Variants in RPAIN observed in about 807,000 individuals in gnomAD.
The protein encoded by RPAIN is RPA-interacting protein.
A neutral mutation model predicts 30.5 loss-of-function variants in RPAIN; 29 were observed. That is an observed-to-expected ratio of 0.95 (90% CI 0.71 to 1.30). RPAIN has a LOEUF of 1.30. Ranked by LOEUF, RPAIN falls within the 50% of genes most tolerant of loss-of-function variation. The probability of loss-of-function intolerance (pLI) is 0.00; values close to 1 mark genes in which losing one functional copy is unlikely to be tolerated. For missense variants in RPAIN, 247 were observed against 264.7 expected, an observed-to-expected ratio of 0.93 and a Z score of 0.46; for synonymous variants, 101 against 93.5, an observed-to-expected ratio of 1.08 and a Z score of -0.46.
chr17:5,427,754 G>A, intron 5 of RPAIN: 1 of 372,986 alleles, frequency 2.7e-6, no homozygotes, highest in Non-Finnish European at 5.0e-6. Flanking sequence ...TGTTGGTAAG[G>A]ATGCACTCAG....
intron 6 of RPAIN, chr17:5,428,511 CAT>C: frequency 1.4e-6 from 2 of 1,380,730 alleles, no homozygotes; most frequent in Non-Finnish European, 1.9e-6. Context: ...CTGGTCATTT[CAT>C]AGTCATAAGA....
chr17:5,432,171 G>T (rs1916035447), intron 6 of RPAIN: 1 of 249,682 alleles, frequency 4.0e-6, no homozygotes, highest in Non-Finnish European at 7.8e-6. Flanking sequence ...TCAATCTTGT[G>T]TAGATTTGGA....
chr17:5,426,220 C>T lies in RPAIN; in HGVS notation c.426-16C>T, dbSNP rs778615071. Reference sequence around the variant, plus strand: ...CTGGTGGCCATGATGCTCTGGGATCCTAATTCTGCTTCTAGGTACAACCTG... The same window carrying T: ...CTGGTGGCCATGATGCTCTGGGATCTTAATTCTGCTTCTAGGTACAACCTG... On this transcript the variant is annotated splice_polypyrimidine_tract_variant and intron_variant, in intron 4 of 6. Coordinates refer to ENST00000381209, the MANE Select transcript of RPAIN (RefSeq NM_001033002.4). 1 of 1,613,820 alleles carries T rather than the reference C, an allele frequency of 6.2e-7. No homozygotes were observed. The highest frequency in any genetic ancestry group is 2.2e-5 in the East Asian group (1 of 44,898).
rs1056115271 is a variant in RPAIN at position 5,420,835 on chromosome 17, G to C, written c.82-461G>C. Among the ~76,000 whole-genome samples, 5 of 152,262 alleles carry C rather than the reference G, an allele frequency of 3.3e-5. No individual in the cohort carries two copies. The East Asian group carries it at 5.8e-4, about 18-fold the overall frequency. The stretch of plus-strand genomic sequence containing the variant: ...GGAGGGTTGTTTAAGCCACGTCTCG[G>C]GCCTCCACCCACTAGATGCTAATAG... On this transcript the variant is annotated intron_variant, in intron 1 of 6. Coordinates refer to ENST00000381209, the MANE Select transcript of RPAIN (RefSeq NM_001033002.4).
chr17:5,423,010 G>C (rs1915023609), intron 3 of RPAIN, 181 bp downstream of exon 3: 4 of 570,598 alleles, frequency 7.0e-6, no homozygotes, highest in Middle Eastern at 4.6e-4. Context: ...AGGGTCTCCA[G>C]GGTGCTAGAC....
At chr17:5,424,270 G>A (rs1182130833) in intron 3 of RPAIN, among the ~76,000 whole-genome samples, 1 of 152,002 alleles carries the variant, frequency 6.6e-6, no homozygotes, top group Non-Finnish European at 1.5e-5. Flanking sequence ...TGAGATTACA[G>A]GCATGAGCCA....
Position 5,428,112 on chromosome 17 carries a change from G to A in RPAIN, c.531G>A (p.Glu177=). Residue 177 remains glutamate (E), a synonymous_variant, in exon 6 of 7, where the codon GAG becomes GAA. Coordinates refer to ENST00000381209, the MANE Select transcript of RPAIN (RefSeq NM_001033002.4). ...AGCAGAAGCTTCGTGCCTGTTTAGAGGGTAGTATAAATGAGCACAGTGCAC... is the reference window on the plus strand; with the variant it reads ...AGCAGAAGCTTCGTGCCTGTTTAGAAGGTAGTATAAATGAGCACAGTGCAC... ...LTEQKLRACL[E]GSINEHSAHC... is the part of the protein sequence containing the mutation. 3 of 1,614,176 alleles carry A rather than the reference G, an allele frequency of 1.9e-6. No homozygotes were observed. Among genetic ancestry groups the A allele is most frequent in the Non-Finnish European group, 2.5e-6 (3 of 1,180,038 alleles).
At chr17:5,422,157 G>A (rs1220303356) in intron 2 of RPAIN, among the ~76,000 whole-genome samples, 1 of 152,224 alleles carries the variant, frequency 6.6e-6, no homozygotes, top group African/African-American at 2.4e-5. Flanking sequence ...CACTGGATTC[G>A]AAGTCAGGAG....
Position 5,422,947 on chromosome 17 carries a change from C to G in RPAIN, c.313+118C>G, listed in dbSNP as rs1915017023. 2.9e-5 allele frequency: 22 copies of G among 757,960 alleles called. 1 individual carries two copies. The South Asian group carries it at 3.7e-4, about 13-fold the overall frequency. The allele number at this position is 757,960 out of a possible 1,614,324, so 47.0% of individuals were successfully genotyped here. ...TGTCTACCTCCATCAGTCAAGTGTC[C>G]AAAAGACTCCTTTTGTACTCTGACA... On this transcript the variant is annotated intron_variant, in intron 3 of 6. Transcript: ENST00000381209.
intron 2 of RPAIN, chr17:5,421,750 A>C (rs768899666): frequency 4.4e-6 from 1 of 225,090 alleles, no homozygotes; most frequent in Non-Finnish European, 8.6e-6. Context: ...GGAAATTATG[A>C]TTCAGTAGGC....
Position 5,432,749 on chromosome 17 carries a change from G to A in RPAIN, c.*178G>A, listed in dbSNP as rs1003950638. ...TGGTCTTTTGTGACGCAGGTTGAAGGGGGAGGAATAGAAAAAGACAAACTG... is the reference window on the plus strand; with the variant it reads ...TGGTCTTTTGTGACGCAGGTTGAAGAGGGAGGAATAGAAAAAGACAAACTG... On this transcript the variant is annotated 3_prime_UTR_variant, in exon 7 of 7. Coordinates refer to ENST00000381209, the MANE Select transcript of RPAIN (RefSeq NM_001033002.4). 6.5e-6 allele frequency: 5 copies of A among 769,092 alleles called. No individual in the cohort carries two copies. Among genetic ancestry groups the A allele is most frequent in the Non-Finnish European group, 8.0e-6 (4 of 497,886 alleles). 47.6% of individuals were successfully genotyped at this position (769,092 alleles called of 1,614,324 possible).
chr17:5,425,333 TTCTC>T (rs757594700), intron 3 of RPAIN: 14 of 453,172 alleles, frequency 3.1e-5, no homozygotes, highest in Non-Finnish European at 4.9e-5. Flanking sequence ...CAGAAATCAG[TTCTC>T]TCTTTTTTTT....
Position 5,431,882 on chromosome 17 carries a change from C to T in RPAIN, c.631-660C>T, listed in dbSNP as rs528105269. The T allele has an allele frequency of 2.0e-3, 633 of 324,144 alleles. 17 individuals are homozygous for T. The highest frequency in any genetic ancestry group is 0.016 in the South Asian group (624 of 39,714). 20.1% of individuals were successfully genotyped at this position (324,144 alleles called of 1,614,324 possible). On this transcript the variant is annotated intron_variant, in intron 6 of 6. Transcript: ENST00000381209. ...AAGAAACAAGAGTAACCCACTTATG[C>T]CTACTGTTTAATTATTGGAACGCTA...
chr17:5,432,213 C>G (rs1274832119), intron 6 of RPAIN: 1 of 292,616 alleles, frequency 3.4e-6, no homozygotes, highest in African/African-American at 2.2e-5. Context: ...CTAAAAGCTC[C>G]AGGCTATCAA....
intron 3 of RPAIN, chr17:5,423,120 A>G (rs1216673681): frequency 3.9e-6 from 1 of 253,724 alleles, no homozygotes; most frequent in Non-Finnish European, 7.3e-6. Flanking sequence ...GTTCTCGTGC[A>G]GGTCATACAG....
chr17:5,426,101 T>G lies in RPAIN; in HGVS notation c.425+19T>G. The G allele has an allele frequency of 1.3e-6, 2 of 1,590,254 alleles. No homozygotes were observed. Among genetic ancestry groups the G allele is most frequent in the Non-Finnish European group, 1.7e-6 (2 of 1,158,412 alleles). ...GTACAAAGTAAGAGTTTTTAAAACC[T>G]TTTCAGCATTATTCGTTCCCATTCC... On this transcript the variant is annotated intron_variant, in intron 4 of 6. Transcript: ENST00000381209.
chr17:5,428,556 G>A, intron 6 of RPAIN: 1 of 1,246,532 alleles, frequency 8.0e-7, no homozygotes, highest in South Asian at 1.7e-5. Flanking sequence ...CACTTTTGCG[G>A]AAGGAAACAG....
At chr17:5,427,377 C>G (rs561387325) in intron 5 of RPAIN, 1 of 152,260 alleles carries the variant, frequency 6.6e-6, no homozygotes, top group Non-Finnish European at 1.5e-5. Context: ...TTCAGGTGAT[C>G]TGCCCACCTT....
chr17:5,431,484 TA>T (rs761313492), intron 6 of RPAIN: 17,669 of 357,004 alleles, frequency 0.049, 3 homozygotes, highest in Middle Eastern at 0.096. Context: ...GATTGTGCCT[TA>T]AAAAAAAAAA....
Sources: allele counts gnomAD v4.1 joint callset (sites outside exome capture counted in the v4.1 genomes callset), GRCh38; gene constraint gnomAD v4.1.1; transcripts MANE v1.5; gene names NCBI Gene and HGNC (gene_info 2026-07-23, HGNC 2026-07-21).